The following SEMA3E variants were observed in gnomAD, a reference collection of about 807,000 sequenced individuals.
SEMA3E encodes the protein semaphorin 3E, also known as semaphorin-3E.
A neutral mutation model predicts 93.6 loss-of-function variants in SEMA3E; 49 were observed. The ratio of observed to expected loss-of-function variants is 0.52; its 90% CI spans 0.42 to 0.66. SEMA3E has a LOEUF of 0.66. SEMA3E is among the 30% of genes least tolerant of loss of function. SEMA3E has a pLI of 0.00. For synonymous variants in SEMA3E, 363 were observed against 330.7 expected (o/e 1.10, Z -1.06); for missense variants, 906 against 964.8 (o/e 0.94, Z 0.81).
intron 2 of SEMA3E, among the ~76,000 whole-genome samples, chr7:83,480,198 T>G (rs1790116896): frequency 6.6e-6 from 1 of 152,200 alleles, no homozygotes; most frequent in Non-Finnish European, 1.5e-5. Context: ...CCTAGCACTT[T>G]GAGAGACCTA....
At chr7:83,435,492 A>C (rs545258583) in intron 4 of SEMA3E, among the ~76,000 whole-genome samples, 5 of 152,140 alleles carry the variant, frequency 3.3e-5, no homozygotes, top group Non-Finnish European at 7.3e-5. Flanking sequence ...GCTGCCCAGG[A>C]GGCCGAGGCA....
chr7:83,504,320 T>C (rs1372764076), intron 1 of SEMA3E, among the ~76,000 whole-genome samples: 1 of 152,182 alleles, frequency 6.6e-6, no homozygotes, highest in East Asian at 1.9e-4. Flanking sequence ...TCATCTACAT[T>C]ATAATAACAA....
intron 1 of SEMA3E, among the ~76,000 whole-genome samples, chr7:83,539,633 G>A (rs563771707): frequency 3.9e-5 from 6 of 152,016 alleles, no homozygotes; most frequent in South Asian, 2.1e-4. Context: ...TTTTTGCTGC[G>A]AAATCCTTTC....
intron 5 of SEMA3E, among the ~76,000 whole-genome samples, chr7:83,416,554 T>C (rs187575576): frequency 4.6e-4 from 70 of 152,218 alleles, no homozygotes; most frequent in Non-Finnish European, 8.4e-4. Context: ...GATTTCACTA[T>C]AGAAGCAGCA....
intron 16 of SEMA3E, among the ~76,000 whole-genome samples, chr7:83,383,739 T>C (rs1440983161): frequency 6.6e-6 from 1 of 152,000 alleles, no homozygotes; most frequent in Non-Finnish European, 1.5e-5. Flanking sequence ...GTCAAATGAT[T>C]TGGTAAAGAT....
chr7:83,562,778 G>A (rs117214765), intron 1 of SEMA3E, among the ~76,000 whole-genome samples: 97 of 152,118 alleles, frequency 6.4e-4, no homozygotes, highest in Admixed American at 3.1e-3. Flanking sequence ...TTAGTAGCGC[G>A]AAGAAGAATC....
chr7:83,446,559 G>T (rs1473601652), intron 4 of SEMA3E, among the ~76,000 whole-genome samples: 2 of 152,194 alleles, frequency 1.3e-5, no homozygotes. Flanking sequence ...AGCTGAGGAT[G>T]AAGATCAAAT....
At chr7:83,426,690 A>G (rs976293375) in intron 4 of SEMA3E, among the ~76,000 whole-genome samples, 2 of 152,196 alleles carry the variant, frequency 1.3e-5, no homozygotes, top group African/African-American at 2.4e-5. Context: ...ATTATTAAAA[A>G]CATACAAAAA....
At chr7:83,504,047 AT>A (rs1790648489) in intron 1 of SEMA3E, among the ~76,000 whole-genome samples, 1 of 152,214 alleles carries the variant, frequency 6.6e-6, no homozygotes, top group African/African-American at 2.4e-5. Flanking sequence ...CCTATAAAAT[AT>A]TCTAAAAACA....
At chr7:83,440,468 T>C (rs1233028021) in intron 4 of SEMA3E, among the ~76,000 whole-genome samples, 1 of 152,228 alleles carries the variant, frequency 6.6e-6, no homozygotes, top group African/African-American at 2.4e-5. Context: ...ATTGTGTTGT[T>C]ACTACATCCT....
At chr7:83,493,880 T>C (rs1201699259) in intron 1 of SEMA3E, among the ~76,000 whole-genome samples, 1 of 151,962 alleles carries the variant, frequency 6.6e-6, no homozygotes, top group East Asian at 1.9e-4. Flanking sequence ...CTTGACTTTA[T>C]TCAAGAAAGG....
intron 1 of SEMA3E, among the ~76,000 whole-genome samples, chr7:83,523,808 C>T (rs754171128): frequency 7.2e-5 from 11 of 152,020 alleles, no homozygotes; most frequent in South Asian, 2.1e-4. Flanking sequence ...ATAATATACA[C>T]GTATTTTTCT....
rs77981180 is a variant in SEMA3E at position 83,645,481 on chromosome 7, T to G, written c.115+2947A>C. Reference sequence around the variant, plus strand: ...CTACATTTTTACTTATTAATGTAATTTACCTTGTAACTAGAAAATACATTA... The same window carrying G: ...CTACATTTTTACTTATTAATGTAATGTACCTTGTAACTAGAAAATACATTA... On this transcript the variant is annotated intron_variant, in intron 1 of 16. Coordinates refer to ENST00000643230, the MANE Select transcript of SEMA3E (RefSeq NM_012431.3). 8.4e-3 allele frequency among the ~76,000 whole-genome samples: 1,280 copies of G among 152,138 alleles called. 17 individuals carry two copies. Among genetic ancestry groups the G allele is most frequent in the African/African-American group, 0.029 (1,201 of 41,552 alleles).
intron 1 of SEMA3E, among the ~76,000 whole-genome samples, chr7:83,645,046 C>T (rs1460780295): frequency 2.0e-5 from 3 of 151,946 alleles, no homozygotes; most frequent in Non-Finnish European, 4.4e-5. Flanking sequence ...GTATTTCTTG[C>T]TCAACATAGG....
intron 16 of SEMA3E, among the ~76,000 whole-genome samples, chr7:83,378,683 T>C (rs1787710306): frequency 6.6e-6 from 1 of 151,944 alleles, no homozygotes; most frequent in African/African-American, 2.4e-5. Flanking sequence ...TCTTATCCAA[T>C]TCCTTTTTTC....
chr7:83,460,709 C>T (rs1214348190), intron 4 of SEMA3E, among the ~76,000 whole-genome samples: 1 of 151,352 alleles, frequency 6.6e-6, no homozygotes, highest in African/African-American at 2.4e-5. Context: ...TCCCTTATTT[C>T]TGCGCCCCGA....
At chr7:83,495,640 C>G (rs1286179611) in intron 1 of SEMA3E, among the ~76,000 whole-genome samples, 1 of 151,614 alleles carries the variant, frequency 6.6e-6, no homozygotes, top group Non-Finnish European at 1.5e-5. Flanking sequence ...TTGAAAAAAA[C>G]TATTTTAAAG....
At chr7:83,504,401 A>G (rs750818390) in intron 1 of SEMA3E, among the ~76,000 whole-genome samples, 1 of 152,142 alleles carries the variant, frequency 6.6e-6, no homozygotes, top group East Asian at 1.9e-4. Flanking sequence ...CCATTACTTC[A>G]TAGGTTTGGA....
At chr7:83,604,724 G>A (rs756042315) in intron 1 of SEMA3E, among the ~76,000 whole-genome samples, 5 of 151,766 alleles carry the variant, frequency 3.3e-5, no homozygotes, top group South Asian at 2.1e-4. Context: ...CTATCAACCC[G>A]TCACCTAGGT....
Sources: gnomAD v4.1 joint callset for allele counts (sites outside exome capture counted in the v4.1 genomes callset) on GRCh38, gnomAD v4.1.1 for gene constraint, MANE v1.5 for transcripts, NCBI Gene and HGNC (gene_info 2026-07-23, HGNC 2026-07-21) for gene names.